PAQR5: variants seen among roughly 807,000 people sequenced by gnomAD.
PAQR5 encodes progestin and adipoQ receptor family member 5.
Under a neutral mutation model 34.5 loss-of-function variants are expected in PAQR5, and 20 were observed. The observed-to-expected ratio is 0.58, with a 90% CI of 0.41 to 0.84. The LOEUF (loss-of-function observed/expected upper bound fraction) is 0.84, where lower values mean the gene tolerates loss of function less well. Among genes scored for constraint, PAQR5 ranks in the 40% least tolerant of loss-of-function variants. The pLI, the probability that PAQR5 is intolerant of heterozygous loss-of-function variation, is 0.00. For synonymous variants in PAQR5, 131 were observed against 155.6 expected, an observed-to-expected ratio of 0.84 and a Z score of 1.18; for missense variants, 378 against 412.7, an observed-to-expected ratio of 0.92 and a Z score of 0.73.
intron 3 of PAQR5, among the ~76,000 whole-genome samples, chr15:69,374,852 T>C (rs1340517410): frequency 6.6e-6 from 1 of 152,112 alleles, no homozygotes. Flanking sequence ...CTTCCTCTTC[T>C]GTAGGGAACT....
At chr15:69,352,960 G>A (rs1245975293) in intron 2 of PAQR5, among the ~76,000 whole-genome samples, 2 of 152,230 alleles carry the variant, frequency 1.3e-5, no homozygotes, top group Non-Finnish European at 2.9e-5. Context: ...GTCAGAGGAG[G>A]ACTTTAATAA....
chr15:69,302,473 G>T (rs1473880962), intron 1 of PAQR5, among the ~76,000 whole-genome samples: 1 of 152,200 alleles, frequency 6.6e-6, no homozygotes, highest in Non-Finnish European at 1.5e-5. Context: ...GGAAGGGTCT[G>T]AGAGCCCCTG....
rs1235858611 is a variant in PAQR5 at position 69,384,569 on chromosome 15, C to T, written c.180-108C>T. ...GTGTTCATCATGGAGGGTGAGCGGG[C>T]CCTCCGTGTTCATGGTGGAAGGTGA... On this transcript the variant is annotated intron_variant, in intron 4 of 8. Coordinates refer to ENST00000395407, the MANE Select transcript of PAQR5 (RefSeq NM_017705.4). The T allele has an allele frequency of 3.7e-5, 21 of 566,522 alleles. 1 individual carries two copies. The highest frequency in any genetic ancestry group is 1.2e-4 in the African/African-American group (5 of 41,996). 35.1% of individuals were successfully genotyped at this position (566,522 alleles called of 1,614,324 possible). A position where few individuals can be genotyped will look rare whatever the true frequency, so the allele number is the denominator to read the frequency against.
chr15:69,403,278 CTAA>C lies in PAQR5; in HGVS notation c.752-301_752-299del, dbSNP rs1317971971. On this transcript the variant is annotated intron_variant, in intron 8 of 8. Coordinates refer to ENST00000395407, the MANE Select transcript of PAQR5 (RefSeq NM_017705.4). ...TATATTTCACATATTCAATAATTCTCTAATGTCAAGTATACAATTTAATGATAT... is the reference window on the plus strand; with the variant it reads ...TATATTTCACATATTCAATAATTCTCTGTCAAGTATACAATTTAATGATAT... Among the ~76,000 whole-genome samples, 3 of 152,256 alleles carry C rather than the reference CTAA, an allele frequency of 2.0e-5. No homozygotes were observed. In the South Asian group the frequency reaches 6.2e-4, roughly 32 times the overall value.
chr15:69,306,787 T>A (rs1311383559), intron 1 of PAQR5, among the ~76,000 whole-genome samples: 1 of 152,148 alleles, frequency 6.6e-6, no homozygotes, highest in Non-Finnish European at 1.5e-5. Flanking sequence ...TCCATCTCCA[T>A]ACCTTTTTAT....
chr15:69,318,212 G>T (rs958565133), intron 1 of PAQR5, among the ~76,000 whole-genome samples: 1 of 152,226 alleles, frequency 6.6e-6, no homozygotes, highest in African/African-American at 2.4e-5. Flanking sequence ...TGCACTGGAG[G>T]CTGATGAAGT....
rs111802472 is a variant in PAQR5 at position 69,373,518 on chromosome 15, T to C, written c.52-6365T>C. Among the ~76,000 whole-genome samples, 1,450 of 152,322 alleles carry C rather than the reference T, an allele frequency of 9.5e-3. 26 individuals carry two copies. Among genetic ancestry groups the C allele is most frequent in the African/African-American group, 0.032 (1,332 of 41,580 alleles). The stretch of plus-strand genomic sequence containing the variant: ...AATTGCTCTGTTATTTCAACTTTCT[T>C]ACTTTCTTCTGCTGTAGATCAATAC... On this transcript the variant is annotated intron_variant, in intron 3 of 8. Transcript: ENST00000395407.
chr15:69,300,030 C>A (rs2053495814), intron 1 of PAQR5, among the ~76,000 whole-genome samples: 1 of 152,206 alleles, frequency 6.6e-6, no homozygotes, highest in Non-Finnish European at 1.5e-5. Flanking sequence ...AACTGGTGGG[C>A]TTTTCTCCAC....
At chr15:69,401,112 G>A (rs1011612312) in intron 8 of PAQR5, 3 of 152,250 alleles carry the variant, frequency 2.0e-5, no homozygotes, top group Admixed American at 1.3e-4. Flanking sequence ...AAGGAGGGGC[G>A]GGTCCCTGCA....
chr15:69,349,872 C>T (rs1162953897), intron 2 of PAQR5, among the ~76,000 whole-genome samples: 3 of 152,022 alleles, frequency 2.0e-5, no homozygotes, highest in African/African-American at 7.2e-5. Context: ...GAACTCCTGA[C>T]CTCAAGTGAT....
At chr15:69,316,457 C>T (rs1048391072) in intron 1 of PAQR5, among the ~76,000 whole-genome samples, 5 of 152,178 alleles carry the variant, frequency 3.3e-5, no homozygotes, top group African/African-American at 9.7e-5. Flanking sequence ...ACAATAATGA[C>T]GTTGTGTCAC....
chr15:69,367,907 G>C (rs1176983001), intron 3 of PAQR5, among the ~76,000 whole-genome samples: 1 of 152,150 alleles, frequency 6.6e-6, no homozygotes, highest in Non-Finnish European at 1.5e-5. Flanking sequence ...ACCTTGATCT[G>C]TCATCAGTGG....
rs1487929215 is a variant in PAQR5, at chr15:69,404,713, A to C, written c.*891A>C. 1.6e-5 allele frequency: 6 copies of C among 381,320 alleles called. No homozygotes were observed. The highest frequency in any genetic ancestry group is 4.5e-5 in the Admixed American group (1 of 22,252). 23.6% of individuals were successfully genotyped at this position (381,320 alleles called of 1,614,324 possible). A position where few individuals can be genotyped will look rare whatever the true frequency, so the allele number is the denominator to read the frequency against. ...TGCTTCAGCATTTCAAATATGTTGCAAAATTTAGTATCCATATGCATAAGA... is the reference window on the plus strand; with the variant it reads ...TGCTTCAGCATTTCAAATATGTTGCCAAATTTAGTATCCATATGCATAAGA... On this transcript the variant is annotated 3_prime_UTR_variant, in exon 9 of 9. Transcript: ENST00000395407.
intron 2 of PAQR5, among the ~76,000 whole-genome samples, chr15:69,358,571 T>G (rs1385954181): frequency 6.6e-6 from 1 of 151,062 alleles, no homozygotes; most frequent in Admixed American, 6.6e-5. Context: ...CCCTCCCACC[T>G]TCATGTGTAA....
intron 1 of PAQR5, among the ~76,000 whole-genome samples, chr15:69,304,021 G>A (rs34082911): frequency 1.1e-3 from 161 of 152,322 alleles, no homozygotes; most frequent in Admixed American, 2.6e-3. Context: ...ATATGTAGGA[G>A]TTTTCAAGCT....
At chr15:69,376,852 C>T (rs1007613656) in intron 3 of PAQR5, among the ~76,000 whole-genome samples, 7 of 152,288 alleles carry the variant, frequency 4.6e-5, no homozygotes, top group African/African-American at 1.7e-4. Context: ...CGACGTCAGT[C>T]CCCCTAGTTT....
At chr15:69,319,189 A>ATATATT (rs2054035481) in intron 1 of PAQR5, among the ~76,000 whole-genome samples, 2 of 8,814 alleles carry the variant, frequency 2.3e-4, no homozygotes, top group South Asian at 0.013. Context: ...ATATATATAT[A>ATATATT]TATATATATA....
chr15:69,335,922 G>A (rs1175511195), intron 1 of PAQR5, among the ~76,000 whole-genome samples: 1 of 152,146 alleles, frequency 6.6e-6, no homozygotes, highest in Admixed American at 6.5e-5. Context: ...CATTAAAGAT[G>A]CACTAATGCA....
intron 6 of PAQR5, chr15:69,391,846 C>G (rs2056283189): frequency 2.6e-6 from 1 of 385,168 alleles, no homozygotes; most frequent in Admixed American, 3.0e-5. Flanking sequence ...CACCTGAGGT[C>G]AGGAGTTCAA....
Sources: allele counts gnomAD v4.1 joint callset (sites outside exome capture counted in the v4.1 genomes callset), GRCh38; gene constraint gnomAD v4.1.1; transcripts MANE v1.5; gene names NCBI Gene and HGNC (gene_info 2026-07-23, HGNC 2026-07-21).